TAF4: variants seen among roughly 807,000 people sequenced by gnomAD.
TAF4 encodes the protein transcription initiation factor TFIID subunit 4.
TAF4 carries 9 observed loss-of-function variants against 90.3 expected under a neutral mutation model. The ratio of observed to expected loss-of-function variants is 0.10; its 90% CI spans 0.06 to 0.17. The LOEUF is 0.17. TAF4 is among the 10% of genes least tolerant of loss of function. The pLI, the probability that TAF4 is intolerant of heterozygous loss-of-function variation, is 1.00. For missense variants in TAF4, 1,351 were observed against 1,370.7 expected (o/e 0.99, Z 0.23); for synonymous variants, 818 against 638.9 (o/e 1.28, Z -4.23).
intron 3 of TAF4, among the ~76,000 whole-genome samples, chr20:62,011,155 G>A (rs2055775776): frequency 6.6e-6 from 1 of 152,108 alleles, no homozygotes; most frequent in East Asian, 1.9e-4. Flanking sequence ...TGGAGGGACT[G>A]TTTCTAAGTC....
In TAF4 at chr20:62,064,628, C is replaced by T; in HGVS notation, c.1183G>A (p.Gly395Arg). ...SPAAVPPPAP[G>R]TPTGLPKGAA... ...CCTTTGGGCAGCCCGGTGGGGGTCC[C>T]GGGGGCGGGCGGCGGGACGGCGGCC... Residue 395 changes from glycine (G) to arginine (R), a missense_variant, in exon 1 of 15, where the codon GGG becomes AGG. Gly to Arg is a moderately radical substitution (Grantham distance 125). This residue lies in a region of TAF4 where 782 missense variants were observed against 536.6 expected (regional missense o/e 1.46). Transcript: ENST00000252996. The T allele has an allele frequency of 2.2e-6, 3 of 1,352,794 alleles. No individual in the cohort carries two copies. Among genetic ancestry groups the T allele is most frequent in the Non-Finnish European group, 2.8e-6 (3 of 1,059,102 alleles). 83.8% of individuals were successfully genotyped at this position (1,352,794 alleles called of 1,614,324 possible). A position where few individuals can be genotyped will look rare whatever the true frequency, so the allele number is the denominator to read the frequency against.
chr20:62,030,621 C>T (rs957406184), intron 1 of TAF4, among the ~76,000 whole-genome samples: 1 of 152,208 alleles, frequency 6.6e-6, no homozygotes, highest in Non-Finnish European at 1.5e-5. Context: ...AAGGGTCTTG[C>T]TTGCCCTACT....
At chr20:61,984,238 C>G (rs1345934314) in intron 14 of TAF4, among the ~76,000 whole-genome samples, 1 of 152,212 alleles carries the variant, frequency 6.6e-6, no homozygotes, top group Non-Finnish European at 1.5e-5. Context: ...ACTGCACCAC[C>G]CAGACCAGCA....
At chr20:62,015,186 G>C (rs1250170796) in intron 1 of TAF4, among the ~76,000 whole-genome samples, 2 of 152,218 alleles carry the variant, frequency 1.3e-5, no homozygotes, top group East Asian at 3.9e-4. Flanking sequence ...CAGAGGGAGG[G>C]TGGGCCACGA....
chr20:61,988,227 T>C (rs982866222), intron 14 of TAF4, among the ~76,000 whole-genome samples: 1 of 150,906 alleles, frequency 6.6e-6, no homozygotes, highest in African/African-American at 2.4e-5. Flanking sequence ...GAAGGACGTG[T>C]TGACGTGGGT....
rs1309374021 is a variant in TAF4 at position 62,064,701 on chromosome 20, C to T, written c.1110G>A (p.Ala370=). The change falls in exon 1 of 15, where the codon GCG becomes GCA. Residue 370 remains alanine, a synonymous_variant. Coordinates refer to ENST00000252996, the MANE Select transcript of TAF4 (RefSeq NM_003185.4). ...TLAASGPAST[A]ASMVIGPTMQ... Reference sequence around the variant, plus strand: ...TAGTTGGCCCGATGACCATGCTGGCCGCCGTGCTGGCCGGGCCGCTGGCCG... The same window carrying T: ...TAGTTGGCCCGATGACCATGCTGGCTGCCGTGCTGGCCGGGCCGCTGGCCG... 8 of 1,249,714 alleles carry T rather than the reference C, an allele frequency of 6.4e-6. No individual in the cohort carries two copies. Among genetic ancestry groups the T allele is most frequent in the African/African-American group, 1.6e-5 (1 of 62,260 alleles). The allele number at this position is 1,249,714 out of a possible 1,614,324, so 77.4% of individuals were successfully genotyped here. A position where few individuals can be genotyped will look rare whatever the true frequency, so the allele number is the denominator to read the frequency against.
chr20:61,997,357 C>CA (rs1339520557), intron 14 of TAF4, among the ~76,000 whole-genome samples, 193 bp downstream of exon 14: 1 of 152,226 alleles, frequency 6.6e-6, no homozygotes, highest in Non-Finnish European at 1.5e-5. Flanking sequence ...ACTTTCAGCT[C>CA]AAGTGATAGC....
chr20:62,048,110 C>T (rs1477970961), intron 1 of TAF4, among the ~76,000 whole-genome samples: 1 of 152,202 alleles, frequency 6.6e-6, no homozygotes, highest in Non-Finnish European at 1.5e-5. Context: ...CTCTGAAAAT[C>T]CCTGAAGCCC....
chr20:62,060,649 T>C (rs2056084441), intron 1 of TAF4, among the ~76,000 whole-genome samples: 2 of 152,242 alleles, frequency 1.3e-5, no homozygotes, highest in South Asian at 4.1e-4. Flanking sequence ...GTTCTTTTTC[T>C]TTGTTCTTTT....
At chr20:61,987,193 C>T (rs2055598161) in intron 14 of TAF4, among the ~76,000 whole-genome samples, 1 of 152,136 alleles carries the variant, frequency 6.6e-6, no homozygotes, top group African/African-American at 2.4e-5. Flanking sequence ...TGGACGTCAT[C>T]ACGAGGAGAC....
intron 1 of TAF4, among the ~76,000 whole-genome samples, chr20:62,044,383 G>C (rs2055981331): frequency 6.6e-6 from 1 of 152,030 alleles, no homozygotes; most frequent in African/African-American, 2.4e-5. Context: ...TGTGTATTTT[G>C]AACCACATAA....
Position 62,006,310 on chromosome 20 carries a change from A to G in TAF4, c.2223+200T>C. The G allele has an allele frequency of 1.4e-6, 1 of 716,012 alleles. No homozygotes were observed. Among genetic ancestry groups the G allele is most frequent in the Non-Finnish European group, 1.9e-6 (1 of 513,616 alleles). 44.4% of individuals were successfully genotyped at this position (716,012 alleles called of 1,614,324 possible). On this transcript the variant is annotated intron_variant, in intron 7 of 14. Transcript: ENST00000252996. This position sits in a 1 kb window ranked among gnomAD's most constrained non-coding sequence, Gnocchi z 7.0. Reference sequence around the variant, plus strand: ...AAAGCCAACTCAACTATTTCATTTTACTGAGACAAAATACAACATCCCAGG... The same window carrying G: ...AAAGCCAACTCAACTATTTCATTTTGCTGAGACAAAATACAACATCCCAGG...
At chr20:62,022,762 G>A (rs903119237) in intron 1 of TAF4, among the ~76,000 whole-genome samples, 1 of 152,184 alleles carries the variant, frequency 6.6e-6, no homozygotes, top group Non-Finnish European at 1.5e-5. Flanking sequence ...AGCAGCACAG[G>A]GGAACATGTG....
intron 1 of TAF4, among the ~76,000 whole-genome samples, chr20:62,029,479 C>CGT (rs1449036983): frequency 3.0e-5 from 4 of 132,934 alleles, no homozygotes; most frequent in East Asian, 2.4e-4. Flanking sequence ...CCCACGTGCG[C>CGT]GCGCGCGCAC....
At chr20:62,059,347 T>C (rs2056077328) in intron 1 of TAF4, among the ~76,000 whole-genome samples, 1 of 152,244 alleles carries the variant, frequency 6.6e-6, no homozygotes, top group Non-Finnish European at 1.5e-5. Flanking sequence ...AAATGTTCAT[T>C]TGAGATATGT....
At chr20:62,036,790 T>C (rs1488470094) in intron 1 of TAF4, among the ~76,000 whole-genome samples, 2 of 152,198 alleles carry the variant, frequency 1.3e-5, no homozygotes, top group Non-Finnish European at 2.9e-5. Flanking sequence ...AGAAGGTGCA[T>C]AGACTGAATG....
At chr20:62,001,014 G>A (rs368393609) in intron 9 of TAF4, among the ~76,000 whole-genome samples, 5 of 152,380 alleles carry the variant, frequency 3.3e-5, no homozygotes, top group African/African-American at 9.6e-5. Flanking sequence ...CGGGAGCAGC[G>A]CGGGGACTTG....
intron 1 of TAF4, among the ~76,000 whole-genome samples, chr20:62,060,132 G>T (rs1011311414): frequency 1.3e-5 from 2 of 152,174 alleles, no homozygotes; most frequent in African/African-American, 4.8e-5. Flanking sequence ...ACAGCACACC[G>T]GGGAGCCCGG....
chr20:62,007,842 C>CG, intron 5 of TAF4: 1 of 488,522 alleles, frequency 2.0e-6, no homozygotes, highest in East Asian at 4.0e-5. Flanking sequence ...CAGCCAGCTG[C>CG]GGACCACGTC....
Sources: gnomAD v4.1 joint callset for allele counts (sites outside exome capture counted in the v4.1 genomes callset) on GRCh38, gnomAD v4.1.1 for gene constraint, gnomAD v4.1.1 regional missense constraint, Gnocchi (gnomAD v3.1) non-coding constraint, MANE v1.5 for transcripts, NCBI Gene and HGNC (gene_info 2026-07-23, HGNC 2026-07-21) for gene names.